Variants in IL4I1 observed in about 807,000 individuals in gnomAD.
IL4I1 encodes the protein L-amino-acid oxidase.
Under a neutral mutation model 29.7 loss-of-function variants are expected in IL4I1, and 24 were observed. The ratio of observed to expected loss-of-function variants is 0.81; its 90% CI spans 0.59 to 1.14. The LOEUF (loss-of-function observed/expected upper bound fraction) is 1.14, where lower values mean the gene tolerates loss of function less well. IL4I1 is among the 50% of genes most tolerant of loss of function. IL4I1 has a pLI of 0.00. For synonymous variants in IL4I1, 371 were observed against 352.5 expected (o/e 1.05, Z -0.59); for missense variants, 686 against 785.6 (o/e 0.87, Z 1.52).
At chr19:49,925,310 G>A (rs577362689) in intron 2 of IL4I1, among the ~76,000 whole-genome samples, 6 of 151,752 alleles carry the variant, frequency 4.0e-5, no homozygotes, top group African/African-American at 9.7e-5. Flanking sequence ...AACCCAGGCC[G>A]GGCACAGTGG....
At chr19:49,907,537 CTTTTTTTTTTTTT>C in intron 2 of IL4I1, 1 of 269,842 alleles carries the variant, frequency 3.7e-6, no homozygotes, top group Non-Finnish European at 6.9e-6. Context: ...CTGGGAGTTT[CTTTTTTTTTTTTT>C]TTTTTTTTGA....
At chr19:49,907,844 T>C (rs2075358648) in intron 2 of IL4I1, 1 of 336,098 alleles carries the variant, frequency 3.0e-6, no homozygotes, top group African/African-American at 2.2e-5. Context: ...ACTTGGAGGT[T>C]CTCTTACATT....
chr19:49,896,144 T>C lies in IL4I1; in HGVS notation c.13+4A>G, dbSNP rs1476159357. On this transcript the variant is annotated splice_donor_region_variant and intron_variant, in intron 2 of 7. Coordinates refer to ENST00000391826, the MANE Select transcript of IL4I1 (RefSeq NM_152899.2). ...GTTCCAGAGCCCCTCCCCTGCTTAC[T>C]CACCCAATGGGGCCATGACTCTCGG... The C allele has an allele frequency of 6.5e-7, 1 of 1,546,744 alleles. No individual in the cohort carries two copies. Among genetic ancestry groups the C allele is most frequent in the South Asian group, 1.2e-5 (1 of 83,792 alleles).
intron 2 of IL4I1, chr19:49,909,643 A>T (rs748963129): frequency 6.2e-7 from 1 of 1,614,160 alleles, no homozygotes; most frequent in Non-Finnish European, 8.5e-7. Flanking sequence ...GGCCGGTGGA[A>T]GGGGTACTTG....
In IL4I1 at chr19:49,921,922, T is replaced by C. The variant is rs73932010; in HGVS notation, c.-228+5772A>G. ...CGGTGGCTCTCACCTCCCTTCCATC[T>C]TGGCAGGATGAGTGCATTTGCTGCG... is the stretch of plus-strand genomic sequence containing the variant. On this transcript the variant is annotated intron_variant, in intron 2 of 9. Coordinates refer to the IL4I1 transcript ENST00000341114. The surrounding 1 kb of genome is among the most constrained non-coding windows in gnomAD (Gnocchi z 5.4). 5.6e-4 allele frequency among the ~76,000 whole-genome samples: 86 copies of C among 152,300 alleles called. No individual in the cohort carries two copies. The highest frequency in any genetic ancestry group is 2.0e-3 in the African/African-American group (85 of 41,568).
chr19:49,900,166 A>G (rs2075259251), upstream of IL4I1, among the ~76,000 whole-genome samples: 1 of 151,748 alleles, frequency 6.6e-6, no homozygotes, highest in Non-Finnish European at 1.5e-5. Flanking sequence ...ATTTCACATC[A>G]TCTTCATTCA....
intron 2 of IL4I1, chr19:49,908,353 C>A: frequency 2.5e-6 from 4 of 1,614,206 alleles, no homozygotes; most frequent in Non-Finnish European, 3.4e-6. Context: ...CGATCCACTG[C>A]AGTGAGTCCA....
At chr19:49,913,144 A>G (rs1483350903) in intron 2 of IL4I1, 1 of 152,450 alleles carries the variant, frequency 6.6e-6, no homozygotes, top group East Asian at 1.9e-4. Flanking sequence ...GGCGCCGTCC[A>G]CGCGGGAGGA....
At position 49,890,530 on chromosome 19, in the gene IL4I1, G is replaced by T; in HGVS notation, c.844C>A (p.Leu282Met). Residue 282 changes from leucine to methionine, a missense_variant, in exon 8 of 8, where the codon CTG becomes ATG. By Grantham distance (15) the Leu-to-Met change is conservative. Coordinates refer to ENST00000391826, the MANE Select transcript of IL4I1 (RefSeq NM_152899.2). ...ATCGCCACCACGGGCGCGTTCAACAGCACAAGCCCGGACAGCGAGCTCAGC... is the reference window on the plus strand; with the variant it reads ...ATCGCCACCACGGGCGCGTTCAACATCACAAGCCCGGACAGCGAGCTCAGC... ...ALLSSLSGLV[L>M]LNAPVVAMTQ... is the part of the protein sequence containing the mutation. 6.2e-7 allele frequency: 1 copy of T among 1,607,446 alleles called. No homozygotes were observed.
chr19:49,924,672 G>C (rs1039735265), intron 2 of IL4I1, among the ~76,000 whole-genome samples: 1 of 152,188 alleles, frequency 6.6e-6, no homozygotes, highest in African/African-American at 2.4e-5. Context: ...GCACACGAGG[G>C]GACTCAGGGT....
chr19:49,910,299 C>T (rs750606495), intron 2 of IL4I1, among the ~76,000 whole-genome samples: 10 of 151,962 alleles, frequency 6.6e-5, no homozygotes, highest in Non-Finnish European at 1.0e-4. Context: ...AGGGTGTGAG[C>T]GGATCAGCTC....
chr19:49,902,270 G>A (rs2075277874), intron 3 of IL4I1, among the ~76,000 whole-genome samples: 1 of 152,004 alleles, frequency 6.6e-6, no homozygotes, highest in Non-Finnish European at 1.5e-5. Context: ...CAAAGTGCTG[G>A]GATTACAAGG....
chr19:49,924,458 C>T (rs1461360952), intron 2 of IL4I1, among the ~76,000 whole-genome samples: 3 of 152,184 alleles, frequency 2.0e-5, no homozygotes, highest in Non-Finnish European at 2.9e-5. Flanking sequence ...CCGAACTCCC[C>T]GTCCCCGTCA....
At position 49,908,932 on chromosome 19, in the gene IL4I1, C is replaced by G. The variant is rs770477829; in HGVS notation, c.-227-4611G>C. The G allele has an allele frequency of 6.8e-6, 11 of 1,607,928 alleles. No individual in the cohort carries two copies. The highest frequency in any genetic ancestry group is 8.5e-6 in the Non-Finnish European group (10 of 1,177,362). The stretch of plus-strand genomic sequence containing the variant: ...CGGCTGGCGCCAGTGGTTTTAAATT[C>G]AAGGCAAAGCCGGTGGTGCTGCTGC... On this transcript the variant is annotated intron_variant, in intron 2 of 9. Coordinates refer to the IL4I1 transcript ENST00000341114.
chr19:49,891,861 G>T (rs931071950), intron 5 of IL4I1, among the ~76,000 whole-genome samples: 2 of 152,090 alleles, frequency 1.3e-5, no homozygotes, highest in African/African-American at 4.8e-5. Context: ...GTGTCCTCCC[G>T]GGGGCTCAGT....
intron 2 of IL4I1, chr19:49,917,858 C>G (rs1007430576): frequency 1.3e-5 from 2 of 152,136 alleles, no homozygotes; most frequent in Non-Finnish European, 2.9e-5. Context: ...TGGTGAAACC[C>G]CCGTCTCTAC....
chr19:49,907,979 C>T (rs1403951873), intron 2 of IL4I1: 3 of 643,484 alleles, frequency 4.7e-6, no homozygotes, highest in Non-Finnish European at 7.7e-6. Flanking sequence ...GGTGGGTGGT[C>T]GCAGTAGGTG....
chr19:49,892,302 G>A (rs1218312860), intron 5 of IL4I1, among the ~76,000 whole-genome samples: 3 of 151,892 alleles, frequency 2.0e-5, no homozygotes, highest in African/African-American at 4.8e-5. Flanking sequence ...GGCTGGTCTC[G>A]AACTCCTGAC....
chr19:49,890,982 G>C lies in IL4I1; in HGVS notation c.762C>G (p.Ser254Arg). 1 of 1,566,150 alleles carries C rather than the reference G, an allele frequency of 6.4e-7. No homozygotes were observed. Among genetic ancestry groups the C allele is most frequent in the South Asian group, 1.1e-5 (1 of 88,838 alleles). The change falls in exon 7 of 8, where the codon AGC becomes AGG. Residue 254 changes from serine to arginine, a missense_variant. Transcript: ENST00000391826. The stretch of plus-strand genomic sequence containing the variant: ...GCCCCGCCCCTTACTGGAGTCTGTC[G>C]CTGAGGCAGCTGTGGGCCCGGAGGG... ...AEALRAHSCL[S>R]DRLQYSRIVG...
Sources: gnomAD v4.1 joint callset for allele counts (sites outside exome capture counted in the v4.1 genomes callset) on GRCh38, gnomAD v4.1.1 for gene constraint, Gnocchi (gnomAD v3.1) non-coding constraint, MANE v1.5 for transcripts, NCBI Gene and HGNC (gene_info 2026-07-23, HGNC 2026-07-21) for gene names.